Variants in PHKB observed in about 807,000 individuals in gnomAD.
The protein encoded by PHKB is phosphorylase kinase regulatory subunit beta.
In PHKB, 122 loss-of-function variants were observed where a neutral mutation model predicts 152.1. The observed-to-expected ratio is 0.80, with a 90% CI of 0.69 to 0.93. The LOEUF (loss-of-function observed/expected upper bound fraction) is 0.93, where lower values mean the gene tolerates loss of function less well. Among genes scored for constraint, PHKB ranks in the 40% least tolerant of loss-of-function variants. PHKB has a pLI of 0.00. For missense variants in PHKB, 1,304 were observed against 1,328.4 expected, an observed-to-expected ratio of 0.98 and a Z score of 0.29; for synonymous variants, 436 against 464.9, an observed-to-expected ratio of 0.94 and a Z score of 0.80.
chr16:47,568,520 A>G (rs1292287976), intron 7 of PHKB, among the ~76,000 whole-genome samples: 1 of 151,958 alleles, frequency 6.6e-6, no homozygotes, highest in African/African-American at 2.4e-5. Flanking sequence ...TTTGGTTTCA[A>G]TTTCATTTAG....
chr16:47,604,414 C>T (rs745354285), intron 13 of PHKB, among the ~76,000 whole-genome samples: 10 of 151,978 alleles, frequency 6.6e-5, no homozygotes, highest in African/African-American at 2.4e-4. Context: ...AATCAGTTGA[C>T]TAAAATGCAT....
At chr16:47,692,613 CAAATAAATAAAT>C (rs71287505) in intron 27 of PHKB, among the ~76,000 whole-genome samples, 33 of 150,830 alleles carry the variant, frequency 2.2e-4, no homozygotes, top group South Asian at 1.1e-3. Context: ...AAGACCCTGT[CAAATAAATAAAT>C]AAATAAATAA....
chr16:47,501,783 AG>A (rs1970328800), intron 3 of PHKB, among the ~76,000 whole-genome samples: 1 of 152,240 alleles, frequency 6.6e-6, no homozygotes, highest in Non-Finnish European at 1.5e-5. Flanking sequence ...GAGGATAGGC[AG>A]CATATGGACA....
intron 23 of PHKB, among the ~76,000 whole-genome samples, 182 bp from the exon 24 acceptor site, chr16:47,663,495 C>T (rs1973479498): frequency 6.6e-6 from 1 of 152,064 alleles, no homozygotes; most frequent in African/African-American, 2.4e-5. Context: ...GTATCAAGTG[C>T]TGGGGATAGT....
intron 25 of PHKB, chr16:47,666,184 C>G (rs1973536104): frequency 1.4e-6 from 1 of 698,020 alleles, no homozygotes; most frequent in African/African-American, 1.8e-5. Context: ...AGTCTCCTTC[C>G]CCAAGCAAAA....
intron 6 of PHKB, among the ~76,000 whole-genome samples, chr16:47,538,755 G>A (rs1423472417): frequency 6.6e-6 from 1 of 152,314 alleles, no homozygotes; most frequent in African/African-American, 2.4e-5. Flanking sequence ...CATTTTGAGA[G>A]GCTGTGGTTT....
intron 7 of PHKB, chr16:47,565,836 G>T: frequency 7.4e-7 from 1 of 1,352,786 alleles, no homozygotes; most frequent in Non-Finnish European, 1.0e-6. Context: ...AAAGACAGAA[G>T]CAGCTTGACT....
intron 13 of PHKB, chr16:47,597,668 T>C (rs1039085561): frequency 4.4e-4 from 66 of 150,414 alleles, no homozygotes; most frequent in African/African-American, 1.5e-3. Context: ...AGTTTTCTTT[T>C]TTCTTTTTTC....
At chr16:47,633,403 A>G (rs1972861645) in intron 14 of PHKB, among the ~76,000 whole-genome samples, 1 of 152,158 alleles carries the variant, frequency 6.6e-6, no homozygotes, top group South Asian at 2.1e-4. Flanking sequence ...TAAGTGAGAA[A>G]AGTAAGCATG....
At position 47,589,084 on chromosome 16, in the gene PHKB, C is replaced by A; in HGVS notation, c.1050C>A (p.Tyr350Ter). ...TSLEDPNRCY[Y>*]KPAEIKLFDG... is the part of the protein sequence containing the mutation. Reference sequence around the variant, plus strand: ...TGGAAGATCCCAACAGATGCTACTACAAGCCAGCTGAAATTAAGGTATTAA... The same window carrying A: ...TGGAAGATCCCAACAGATGCTACTAAAAGCCAGCTGAAATTAAGGTATTAA... Residue 350 changes from tyrosine to a stop codon, truncating the protein, a stop_gained, in exon 10 of 31, where the codon TAC (tyrosine) becomes TAA (stop). Transcript: ENST00000323584. LOFTEE classifies it high-confidence loss of function. The A allele has an allele frequency of 6.2e-7, 1 of 1,611,264 alleles. No individual in the cohort carries two copies. Among genetic ancestry groups the A allele is most frequent in the Non-Finnish European group, 8.5e-7 (1 of 1,177,556 alleles).
At chr16:47,523,840 G>A (rs1254793896) in intron 6 of PHKB, among the ~76,000 whole-genome samples, 2 of 152,206 alleles carry the variant, frequency 1.3e-5, no homozygotes, top group East Asian at 3.8e-4. Context: ...AGCTCTTAAT[G>A]CCTGTGTTCA....
intron 7 of PHKB, among the ~76,000 whole-genome samples, chr16:47,548,525 T>G (rs1275253738): frequency 6.6e-6 from 1 of 151,510 alleles, no homozygotes; most frequent in Non-Finnish European, 1.5e-5. Context: ...GAGAATGGCT[T>G]GAATCCAGGA....
At chr16:47,521,202 T>C (rs1276660232) in intron 6 of PHKB, among the ~76,000 whole-genome samples, 1 of 152,214 alleles carries the variant, frequency 6.6e-6, no homozygotes, top group African/African-American at 2.4e-5. Flanking sequence ...AGTAATAGTT[T>C]ACTTCTTCAT....
At chr16:47,696,346 G>C (rs539340150) in intron 28 of PHKB, 35 bp from the exon 29 acceptor site, 2 of 981,640 alleles carry the variant, frequency 2.0e-6, no homozygotes, top group Non-Finnish European at 3.3e-6. Context: ...AGAGCATAAC[G>C]GTTCAGCATG....
At chr16:47,591,328 C>T (rs1348223424) in intron 10 of PHKB, among the ~76,000 whole-genome samples, 3 of 152,102 alleles carry the variant, frequency 2.0e-5, no homozygotes, top group Non-Finnish European at 4.4e-5. Context: ...GTTTACATCC[C>T]GCTTACTCTT....
intron 14 of PHKB, among the ~76,000 whole-genome samples, chr16:47,618,801 G>A (rs757417889): frequency 6.6e-6 from 1 of 151,970 alleles, no homozygotes; most frequent in African/African-American, 2.4e-5. Context: ...AATTACTCCC[G>A]GAAAACAAGT....
At position 47,499,828 on chromosome 16, in the gene PHKB, A is replaced by C. The variant is rs886052020; in HGVS notation, c.239A>C (p.Gln80Pro). ...CCCACTAAAACATGCGGTGGTGACC[A>C]GAAGGCCAAGATCCAGGACAGCCTA... Reference protein sequence around the residue: ...LFPTKTCGGDQKAKIQDSLYC... With the variant: ...LFPTKTCGGDPKAKIQDSLYC... The change falls in exon 3 of 31, where the codon CAG becomes CCG. Residue 80 changes from glutamine (Q) to proline (P), a missense_variant. Gln to Pro is a moderately conservative substitution (Grantham distance 76). Coordinates refer to ENST00000323584, the MANE Select transcript of PHKB (RefSeq NM_000293.3). 6.2e-7 allele frequency: 1 copy of C among 1,614,080 alleles called. No individual in the cohort carries two copies. Among genetic ancestry groups the C allele is most frequent in the Non-Finnish European group, 8.5e-7 (1 of 1,180,026 alleles).
At position 47,580,280 on chromosome 16, in the gene PHKB, C is replaced by G. The variant is rs973696243; in HGVS notation, c.711-15C>G. The G allele has an allele frequency of 1.9e-6, 3 of 1,604,730 alleles. No homozygotes were observed. The highest frequency in any genetic ancestry group is 2.6e-6 in the Non-Finnish European group (3 of 1,171,842). The stretch of plus-strand genomic sequence containing the variant: ...CATACATTAGAGTAATAAAGCATTT[C>G]CTTTTCTCTTTTAGCTCGGTTGGTT... On this transcript the variant is annotated splice_polypyrimidine_tract_variant and intron_variant, in intron 7 of 30. Transcript: ENST00000323584.
Position 47,598,789 on chromosome 16 carries a change from A to C in PHKB, c.1363+2258A>C. 1.9e-6 allele frequency: 3 copies of C among 1,585,770 alleles called. No individual in the cohort carries two copies. The South Asian group carries it at 3.3e-5, about 18-fold the overall frequency. On this transcript the variant is annotated intron_variant, in intron 13 of 30. Transcript: ENST00000323584. ...CACCTCTTCTAATTGACTGCCTTGA[A>C]GTTGGTCTTCTAATTTTTTAACATC...
Sources: gnomAD v4.1 joint callset for allele counts (sites outside exome capture counted in the v4.1 genomes callset) on GRCh38, gnomAD v4.1.1 for gene constraint, MANE v1.5 for transcripts, NCBI Gene and HGNC (gene_info 2026-07-23, HGNC 2026-07-21) for gene names.